SNX29: variants seen among roughly 807,000 people sequenced by gnomAD.
The protein encoded by SNX29 is sorting nexin 29.
SNX29 carries 78 observed loss-of-function variants against 102.1 expected under a neutral mutation model. The ratio of observed to expected loss-of-function variants is 0.76; its 90% CI spans 0.64 to 0.92. The LOEUF (loss-of-function observed/expected upper bound fraction) is 0.92, where lower values mean the gene tolerates loss of function less well. Ranked by LOEUF, SNX29 falls within the 40% of genes least tolerant of loss-of-function variation. SNX29 has a pLI of 0.00. For missense variants in SNX29, 1,280 were observed against 1,061.7 expected, an observed-to-expected ratio of 1.21 and a Z score of -2.86; for synonymous variants, 580 against 414.5, an observed-to-expected ratio of 1.40 and a Z score of -4.85.
chr16:12,537,089 C>G (rs781239890), intron 20 of SNX29, among the ~76,000 whole-genome samples: 5 of 152,188 alleles, frequency 3.3e-5, no homozygotes, highest in Admixed American at 6.5e-5. Flanking sequence ...CCATGTATCT[C>G]CACCCACGGT....
At chr16:12,288,765 T>C (rs2079692602) in intron 15 of SNX29, among the ~76,000 whole-genome samples, 1 of 152,100 alleles carries the variant, frequency 6.6e-6, no homozygotes, top group South Asian at 2.1e-4. Context: ...CTGTGTTAAT[T>C]GCATTACATG....
chr16:12,505,763 C>CAAAAAAAAAAAA (rs61113263), intron 19 of SNX29, among the ~76,000 whole-genome samples: 1 of 75,872 alleles, frequency 1.3e-5, no homozygotes, highest in Non-Finnish European at 2.3e-5. Context: ...GTCAATTCTG[C>CAAAAAAAAAAAA]AAAAAAAAAA....
chr16:12,298,993 C>CT lies in SNX29; in HGVS notation c.1782+20960dup, dbSNP rs1437484412. Among the ~76,000 whole-genome samples, 23 of 117,414 alleles carry CT rather than the reference C, an allele frequency of 2.0e-4. No individual in the cohort carries two copies. In the South Asian group the frequency reaches 6.3e-3, roughly 32 times the overall value. 77.0% of individuals were successfully genotyped at this position (117,414 alleles called of 152,430 possible). The stretch of plus-strand genomic sequence containing the variant: ...CCTCCTCCAGAGAGGACCAATGAGT[C>CT]TTTAAAAAAAAAAAAAAAAAATAGG... On this transcript the variant is annotated intron_variant, in intron 15 of 20. Coordinates refer to ENST00000566228, the MANE Select transcript of SNX29 (RefSeq NM_032167.5).
At position 12,276,119 on chromosome 16, in the gene SNX29, C is replaced by G. The variant is rs189326825; in HGVS notation, c.1679-1814C>G. 3.7e-3 allele frequency among the ~76,000 whole-genome samples: 563 copies of G among 152,218 alleles called. 4 individuals are homozygous for G. Among genetic ancestry groups the G allele is most frequent in the African/African-American group, 0.013 (536 of 41,516 alleles). ...TGTTGGCCAGGCTGGTTTCGGACTC[C>G]TGACCTCAAGTGATCCACCCGCCTT... On this transcript the variant is annotated intron_variant, in intron 14 of 20. Coordinates refer to ENST00000566228, the MANE Select transcript of SNX29 (RefSeq NM_032167.5).
intron 20 of SNX29, among the ~76,000 whole-genome samples, chr16:12,548,276 C>T (rs981752388): frequency 6.6e-6 from 1 of 152,208 alleles, no homozygotes; most frequent in South Asian, 2.1e-4. Context: ...GTGGACCTGA[C>T]TGGGAAGGCT....
At position 12,574,161 on chromosome 16, in the gene SNX29, T is replaced by C. The variant is rs1300859702; in HGVS notation, c.*5532T>C. On this transcript the variant is annotated 3_prime_UTR_variant, in exon 21 of 21. Coordinates refer to ENST00000566228, the MANE Select transcript of SNX29 (RefSeq NM_032167.5). ...GATTTTTAAACAAATGTGTTTAATTTTTTAAGATCTCTTGTATTAAAATTT... is the reference window on the plus strand; with the variant it reads ...GATTTTTAAACAAATGTGTTTAATTCTTTAAGATCTCTTGTATTAAAATTT... 5.5e-6 allele frequency: 1 copy of C among 180,930 alleles called. No individual in the cohort carries two copies. The highest frequency in any genetic ancestry group is 1.2e-5 in the Non-Finnish European group (1 of 84,756). The allele number at this position is 180,930 out of a possible 1,614,324, so 11.2% of individuals were successfully genotyped here. A position where few individuals can be genotyped will look rare whatever the true frequency, so the allele number is the denominator to read the frequency against.
intron 20 of SNX29, among the ~76,000 whole-genome samples, chr16:12,537,751 C>G (rs922889073): frequency 7.9e-5 from 12 of 152,004 alleles, no homozygotes; most frequent in African/African-American, 1.9e-4. Flanking sequence ...TGACCTCTAT[C>G]CTATGTGGGG....
At chr16:12,440,311 C>G (rs993304335) in intron 18 of SNX29, among the ~76,000 whole-genome samples, 2 of 152,182 alleles carry the variant, frequency 1.3e-5, no homozygotes, top group South Asian at 2.1e-4. Flanking sequence ...ATTACGCAAC[C>G]ATCACCACTC....
chr16:12,273,710 C>T (rs1411502683), intron 14 of SNX29, among the ~76,000 whole-genome samples: 1 of 152,152 alleles, frequency 6.6e-6, no homozygotes, highest in African/African-American at 2.4e-5. Flanking sequence ...TCTCTAATTC[C>T]AGAACATTTT....
rs780833367 is a variant in SNX29, at chr16:12,008,881, A to G, written c.122+5838A>G. Among the ~76,000 whole-genome samples, 6 of 151,980 alleles carry G rather than the reference A, an allele frequency of 3.9e-5. No individual in the cohort carries two copies. The East Asian group carries it at 7.8e-4, about 20-fold the overall frequency. ...CTCAGCCTCCCTAGTAGCTGGGACT[A>G]TAGGTGCGCGCCTCCAGGCCTGGGT... On this transcript the variant is annotated intron_variant, in intron 3 of 20. Coordinates refer to ENST00000566228, the MANE Select transcript of SNX29 (RefSeq NM_032167.5).
At chr16:12,069,393 G>A (rs1011232956) in intron 10 of SNX29, among the ~76,000 whole-genome samples, 5 of 151,862 alleles carry the variant, frequency 3.3e-5, no homozygotes, top group African/African-American at 1.2e-4. Context: ...AGCCTCCCAA[G>A]TAGTTGGAAT....
intron 13 of SNX29, among the ~76,000 whole-genome samples, chr16:12,174,445 G>A (rs972059134): frequency 5.9e-5 from 9 of 152,222 alleles, no homozygotes; most frequent in African/African-American, 2.2e-4. Context: ...TCTGCCCAAA[G>A]GAAAGGGCGA....
intron 18 of SNX29, among the ~76,000 whole-genome samples, chr16:12,428,827 C>A (rs73515975): frequency 0.035 from 5,272 of 152,204 alleles, 178 homozygotes; most frequent in African/African-American, 0.08. Flanking sequence ...TTAATTCCAA[C>A]ACATAATATA....
intron 18 of SNX29, among the ~76,000 whole-genome samples, chr16:12,421,821 C>G (rs1162789713): frequency 6.6e-6 from 1 of 152,062 alleles, no homozygotes; most frequent in Non-Finnish European, 1.5e-5. Context: ...CCATCCATCA[C>G]CATCACTAGC....
chr16:12,467,070 G>A (rs2087088717), intron 18 of SNX29, among the ~76,000 whole-genome samples: 1 of 152,222 alleles, frequency 6.6e-6, no homozygotes, highest in African/African-American at 2.4e-5. Context: ...ATGCGAAGAT[G>A]TGGGCCATGA....
intron 18 of SNX29, among the ~76,000 whole-genome samples, chr16:12,405,461 G>C (rs984249076): frequency 6.6e-6 from 1 of 152,180 alleles, no homozygotes; most frequent in African/African-American, 2.4e-5. Flanking sequence ...AGGCCTGGCC[G>C]CTCTGCATCG....
chr16:11,994,147 TAAAG>T (rs920337373), intron 1 of SNX29, among the ~76,000 whole-genome samples: 2 of 151,832 alleles, frequency 1.3e-5, no homozygotes, highest in African/African-American at 4.8e-5. Flanking sequence ...AACAAAACAT[TAAAG>T]AGAGACCCAA....
intron 14 of SNX29, among the ~76,000 whole-genome samples, chr16:12,234,450 T>C (rs1011162741): frequency 5.3e-5 from 8 of 152,166 alleles, no homozygotes; most frequent in African/African-American, 1.7e-4. Context: ...TCTTTGTGTA[T>C]TGTGGATACT....
intron 14 of SNX29, among the ~76,000 whole-genome samples, chr16:12,255,223 T>C (rs1423188619): frequency 6.6e-6 from 1 of 152,062 alleles, no homozygotes; most frequent in East Asian, 1.9e-4. Context: ...TGAGACTGAG[T>C]CTTGGTGCGA....
Sources: allele counts gnomAD v4.1 joint callset (sites outside exome capture counted in the v4.1 genomes callset), GRCh38; gene constraint gnomAD v4.1.1; transcripts MANE v1.5; gene names NCBI Gene and HGNC (gene_info 2026-07-23, HGNC 2026-07-21).